BCAR3: variants seen among roughly 807,000 people sequenced by gnomAD.
The protein encoded by BCAR3 is breast cancer anti-estrogen resistance protein 3.
BCAR3 carries 37 observed loss-of-function variants against 80.1 expected under a neutral mutation model. The ratio of observed to expected loss-of-function variants is 0.46; its 90% CI spans 0.36 to 0.61. The LOEUF is 0.61. Among genes scored for constraint, BCAR3 ranks in the 20% least tolerant of loss-of-function variants. The pLI is 0.00. For missense variants in BCAR3, 978 were observed against 1,068.2 expected, an observed-to-expected ratio of 0.92 and a Z score of 1.18; for synonymous variants, 389 against 418.9, an observed-to-expected ratio of 0.93 and a Z score of 0.87.
intron 2 of BCAR3, among the ~76,000 whole-genome samples, chr1:93,652,636 GT>G (rs34432398): frequency 0.014 from 2,104 of 146,080 alleles, 47 homozygotes; most frequent in African/African-American, 0.047. Context: ...AAATGAAAAG[GT>G]TTTTTTTTTT....
At chr1:93,742,819 A>C (rs1651223291) in intron 2 of BCAR3, among the ~76,000 whole-genome samples, 1 of 152,224 alleles carries the variant, frequency 6.6e-6, no homozygotes, top group African/African-American at 2.4e-5. Flanking sequence ...AACAAACAAC[A>C]AACCCACATA....
At chr1:93,633,018 T>TA (rs759864171) in intron 3 of BCAR3, among the ~76,000 whole-genome samples, 282 of 150,616 alleles carry the variant, frequency 1.9e-3, no homozygotes, top group African/African-American at 6.3e-3. Flanking sequence ...AAACTCCACA[T>TA]AAAAAAAAAG....
chr1:93,732,397 G>T (rs952689635), intron 2 of BCAR3, among the ~76,000 whole-genome samples: 8 of 152,098 alleles, frequency 5.3e-5, no homozygotes, highest in Admixed American at 1.3e-4. Flanking sequence ...GGTACATCAC[G>T]TGAAGCCAGG....
At chr1:93,756,271 G>C (rs370823722) in intron 2 of BCAR3, among the ~76,000 whole-genome samples, 2 of 152,160 alleles carry the variant, frequency 1.3e-5, no homozygotes, top group African/African-American at 4.8e-5. Flanking sequence ...GAAAACAATG[G>C]TTGGCCCAGG....
chr1:93,663,482 T>A lies in BCAR3; in HGVS notation c.317+11132A>T, dbSNP rs560934457. Among the ~76,000 whole-genome samples, 4 of 152,180 alleles carry A rather than the reference T, an allele frequency of 2.6e-5. No homozygotes were observed. In the East Asian group the frequency reaches 7.7e-4, roughly 29 times the overall value. On this transcript the variant is annotated intron_variant, in intron 2 of 11. Coordinates refer to ENST00000260502, the MANE Select transcript of BCAR3 (RefSeq NM_003567.4). The stretch of plus-strand genomic sequence containing the variant: ...AGCAAGTCAAGGAGAAAAAGTAACA[T>A]GATACCTGGAAAGATGTTAAGGTCA...
At chr1:93,642,479 C>T (rs772295674) in intron 2 of BCAR3, 136 bp from the exon 3 acceptor site, 1 of 806,110 alleles carries the variant, frequency 1.2e-6, no homozygotes, top group Non-Finnish European at 2.0e-6. Flanking sequence ...GTATTCACAA[C>T]AGGGTGTGTG....
chr1:93,796,843 A>G (rs1653292878), intron 2 of BCAR3, among the ~76,000 whole-genome samples: 1 of 152,204 alleles, frequency 6.6e-6, no homozygotes, highest in African/African-American at 2.4e-5. Flanking sequence ...TGCAATCTAA[A>G]ACTGAAATTG....
At position 93,586,868 on chromosome 1, in the gene BCAR3, G is replaced by A. The variant is rs1361796547; in HGVS notation, c.929+2109C>T. ...GCATGATCTCGGCTCACTGCCTCCT[G>A]GGTTCAAGCAATTCTCCTGCCTTAG... On this transcript the variant is annotated intron_variant, in intron 5 of 11. Transcript: ENST00000260502. The surrounding 1 kb of genome is among the most constrained non-coding windows in gnomAD (Gnocchi z 4.2). Among the ~76,000 whole-genome samples the A allele has an allele frequency of 6.6e-6, 1 of 152,164 alleles. No homozygotes were observed. Among genetic ancestry groups the A allele is most frequent in the Non-Finnish European group, 1.5e-5 (1 of 68,036 alleles).
chr1:93,702,082 C>T (rs1012858943), intron 3 of BCAR3, among the ~76,000 whole-genome samples: 1 of 152,128 alleles, frequency 6.6e-6, no homozygotes, highest in Non-Finnish European at 1.5e-5. Context: ...TATCGATCCA[C>T]CCACTGGCGC....
At chr1:93,703,916 T>C (rs1649737997) in intron 3 of BCAR3, among the ~76,000 whole-genome samples, 1 of 152,324 alleles carries the variant, frequency 6.6e-6, no homozygotes, top group Middle Eastern at 3.4e-3. Context: ...AGCCAGACTA[T>C]CTAATACAGG....
At chr1:93,772,103 T>C (rs1249361206) in intron 2 of BCAR3, among the ~76,000 whole-genome samples, 1 of 152,174 alleles carries the variant, frequency 6.6e-6, no homozygotes, top group Non-Finnish European at 1.5e-5. Context: ...GTGAGGGTCA[T>C]GGATCAGTGG....
Position 93,584,055 on chromosome 1 carries a change from G to A in BCAR3, c.996C>T (p.Ser332=), listed in dbSNP as rs1673840222. Residue 332 remains serine, a synonymous_variant, in exon 6 of 12, where the codon TCC becomes TCT. Transcript: ENST00000260502. ...AGCTCTCTGACTGGTGGGCTTTGAGGGACAAGGCTCTTCTGTCCTGCATGT... is the reference window on the plus strand; with the variant it reads ...AGCTCTCTGACTGGTGGGCTTTGAGAGACAAGGCTCTTCTGTCCTGCATGT... ...LDHMQDRRAL[S]LKAHQSESYL... 3 of 1,614,106 alleles carry A rather than the reference G, an allele frequency of 1.9e-6. No homozygotes were observed. Among genetic ancestry groups the A allele is most frequent in the Non-Finnish European group, 2.5e-6 (3 of 1,180,014 alleles).
At chr1:93,789,136 C>A (rs1191573016) in intron 2 of BCAR3, among the ~76,000 whole-genome samples, 1 of 152,092 alleles carries the variant, frequency 6.6e-6, no homozygotes, top group African/African-American at 2.4e-5. Flanking sequence ...GCTGGAACTA[C>A]TAAAATTTAG....
intron 2 of BCAR3, among the ~76,000 whole-genome samples, chr1:93,724,114 T>C (rs1310841724): frequency 6.6e-6 from 1 of 152,180 alleles, no homozygotes; most frequent in African/African-American, 2.4e-5. Flanking sequence ...CTAATCCCAC[T>C]GAGCTGCAGC....
chr1:93,725,349 G>T lies in BCAR3; in HGVS notation c.-62-19207C>A, dbSNP rs189687287. Among the ~76,000 whole-genome samples, 235 of 152,288 alleles carry T rather than the reference G, an allele frequency of 1.5e-3. 1 individual carries two copies. Among genetic ancestry groups the T allele is most frequent in the African/African-American group, 5.4e-3 (226 of 41,556 alleles). ...ATAAGCATTACATAGGGACTGTGAG[G>T]GCCTTAAAATGGCCCAGCCTGCCTG... On this transcript the variant is annotated intron_variant, in intron 2 of 13. Coordinates refer to the BCAR3 transcript ENST00000370244.
chr1:93,667,298 C>T (rs376508745), intron 2 of BCAR3, among the ~76,000 whole-genome samples: 20 of 152,180 alleles, frequency 1.3e-4, no homozygotes, highest in African/African-American at 3.6e-4. Flanking sequence ...ACCTGCTCAA[C>T]GCAGATTCCC....
At chr1:93,755,163 TATAAC>T (rs1348853311) in intron 2 of BCAR3, among the ~76,000 whole-genome samples, 2 of 152,208 alleles carry the variant, frequency 1.3e-5, no homozygotes, top group African/African-American at 4.8e-5. Flanking sequence ...TGCATAGCTG[TATAAC>T]ATGTTTGTGT....
chr1:93,679,505 C>T (rs1648653665), intron 1 of BCAR3, among the ~76,000 whole-genome samples: 1 of 152,178 alleles, frequency 6.6e-6, no homozygotes, highest in Admixed American at 6.5e-5. Flanking sequence ...AGAAAAAAGC[C>T]CAGGTGAGAC....
chr1:93,845,502 A>ATATATATATATATCTTGTCAAG, intron 2 of BCAR3: 1 of 113,822 alleles, frequency 8.8e-6, no homozygotes, highest in Non-Finnish European at 1.8e-5. Context: ...ATATATATAT[A>ATATATATATATATCTTGTCAAG]AAACTTTGTT....
Sources: gnomAD v4.1 joint callset for allele counts (sites outside exome capture counted in the v4.1 genomes callset) on GRCh38, gnomAD v4.1.1 for gene constraint, Gnocchi (gnomAD v3.1) non-coding constraint, MANE v1.5 for transcripts, NCBI Gene and HGNC (gene_info 2026-07-23, HGNC 2026-07-21) for gene names.